KLHL26: variants seen among roughly 807,000 people sequenced by gnomAD.
KLHL26 encodes kelch-like protein 26.
A neutral mutation model predicts 7.1 loss-of-function variants in KLHL26; 4 were observed. That is an observed-to-expected ratio of 0.56 (90% CI 0.28 to 1.28). The LOEUF is 1.28. KLHL26 is among the 50% of genes most tolerant of loss of function. KLHL26 has a pLI of 0.11. For missense variants in KLHL26, 896 were observed against 924.6 expected, an observed-to-expected ratio of 0.97 and a Z score of 0.40; for synonymous variants, 465 against 414.1, an observed-to-expected ratio of 1.12 and a Z score of -1.49.
Position 18,650,824 on chromosome 19 carries a change from G to A in KLHL26, c.84-13437G>A, listed in dbSNP as rs1383702554. The stretch of plus-strand genomic sequence containing the variant: ...GAGCCGTCTGTCTCGTCACAGACAG[G>A]CGGGGCTGCGGCTGGGGATGGCCGC... On this transcript the variant is annotated intron_variant, in intron 1 of 2. Coordinates refer to ENST00000300976, the MANE Select transcript of KLHL26 (RefSeq NM_018316.3). This position sits in a 1 kb window ranked among gnomAD's most constrained non-coding sequence, Gnocchi z 4.2. Among the ~76,000 whole-genome samples, 1 of 152,190 alleles carries A rather than the reference G, an allele frequency of 6.6e-6. No individual in the cohort carries two copies. The highest frequency in any genetic ancestry group is 1.9e-4 in the East Asian group (1 of 5,194).
At chr19:18,661,730 G>A (rs2052393497) in intron 1 of KLHL26, among the ~76,000 whole-genome samples, 1 of 152,084 alleles carries the variant, frequency 6.6e-6, no homozygotes, top group African/African-American at 2.4e-5. Flanking sequence ...TAAAGGACAT[G>A]AGCCTTTAGA....
At chr19:18,658,009 G>A (rs2052351768) in intron 1 of KLHL26, among the ~76,000 whole-genome samples, 1 of 151,882 alleles carries the variant, frequency 6.6e-6, no homozygotes, top group Non-Finnish European at 1.5e-5. Flanking sequence ...TACTGGGGGA[G>A]CTGCCTTTGT....
chr19:18,642,722 A>G (rs1171031990), intron 1 of KLHL26, among the ~76,000 whole-genome samples: 4 of 151,598 alleles, frequency 2.6e-5, no homozygotes, highest in African/African-American at 9.7e-5. Context: ...TCTGTCGCCC[A>G]TGCTGGCATG....
chr19:18,659,536 G>C (rs1416151846), intron 1 of KLHL26, among the ~76,000 whole-genome samples: 2 of 152,280 alleles, frequency 1.3e-5, no homozygotes, highest in Admixed American at 1.3e-4. Flanking sequence ...CCGCCTATGA[G>C]GGGCAATGCC....
rs1251959735 is a variant in KLHL26, at chr19:18,667,736, C to A, written c.339C>A (p.Gly113=). The A allele has an allele frequency of 6.2e-7, 1 of 1,613,238 alleles. No individual in the cohort carries two copies. Among genetic ancestry groups the A allele is most frequent in the African/African-American group, 1.3e-5 (1 of 75,072 alleles). Residue 113 remains glycine, a synonymous_variant, in exon 3 of 3, where the codon GGC becomes GGA. Transcript: ENST00000300976. The stretch of plus-strand genomic sequence containing the variant: ...AGCTGAAGGGCGTGTCGGCCCGTGG[C>A]CTGCGGCACATCATCGACTTCGCCT... ...VIELKGVSAR[G]LRHIIDFAYS... is the part of the protein sequence containing the mutation.
intron 1 of KLHL26, among the ~76,000 whole-genome samples, chr19:18,640,206 A>G (rs991755574): frequency 2.2e-4 from 34 of 152,082 alleles, no homozygotes; most frequent in Admixed American, 1.3e-3. Context: ...ACTTAAGAGT[A>G]GAATGACTAG....
At chr19:18,645,903 G>A (rs1176140402) in intron 1 of KLHL26, among the ~76,000 whole-genome samples, 2 of 152,022 alleles carry the variant, frequency 1.3e-5, no homozygotes, top group Non-Finnish European at 2.9e-5. Flanking sequence ...TTGTGGCCGA[G>A]ACGCTGCGCC....
chr19:18,642,948 C>T (rs1166170461), intron 1 of KLHL26, among the ~76,000 whole-genome samples: 1 of 152,038 alleles, frequency 6.6e-6, no homozygotes, highest in African/African-American at 2.4e-5. Context: ...ATTCTCCTGC[C>T]TCAGCCTCCT....
intron 1 of KLHL26, among the ~76,000 whole-genome samples, chr19:18,641,459 C>T (rs1976710337): frequency 6.6e-6 from 1 of 151,328 alleles, no homozygotes; most frequent in African/African-American, 2.4e-5. Flanking sequence ...GCTGGGATTA[C>T]AGGTGCATGC....
intron 1 of KLHL26, among the ~76,000 whole-genome samples, chr19:18,642,255 C>T (rs947598485): frequency 3.3e-5 from 5 of 152,076 alleles, no homozygotes; most frequent in African/African-American, 1.2e-4. Flanking sequence ...CATCCTTCCA[C>T]TCTCCAAGGT....
chr19:18,653,134 G>A (rs1346970303), intron 1 of KLHL26, among the ~76,000 whole-genome samples: 3 of 152,098 alleles, frequency 2.0e-5, no homozygotes, highest in Non-Finnish European at 2.9e-5. Flanking sequence ...CCAAGGCTCT[G>A]CCTGAGCCTG....
At chr19:18,659,247 T>C (rs2052367280) in intron 1 of KLHL26, among the ~76,000 whole-genome samples, 1 of 152,176 alleles carries the variant, frequency 6.6e-6, no homozygotes, top group Admixed American at 6.5e-5. Flanking sequence ...ATGGTCTTGG[T>C]CCAGTTGCCA....
Position 18,664,454 on chromosome 19 carries a change from G to GC in KLHL26, c.266+15dup, listed in dbSNP as rs371610350. On this transcript the variant is annotated intron_variant, in intron 2 of 2. Coordinates refer to ENST00000300976, the MANE Select transcript of KLHL26 (RefSeq NM_018316.3). ...CAGCGACTACTTCAGGTAAGTGCTG[G>GC]CCCCAGGCAGCTGGAAGGGGCGGCT... 1,061 of 1,543,808 alleles carry GC rather than the reference G, an allele frequency of 6.9e-4. 6 individuals carry two copies. The African/African-American group carries it at 0.013, about 19-fold the overall frequency.
Position 18,668,133 on chromosome 19 carries a change from C to G in KLHL26, c.736C>G (p.His246Asp). The change falls in exon 3 of 3, where the codon CAC becomes GAC. Residue 246 changes from histidine (H) to aspartate (D), a missense_variant. Transcript: ENST00000300976. ...CCCGGCCCGGCGGCCGCGCGCCAGC[C>G]ACGTGCTCTGCCACATTCGCTTCCC... ...HDPARRPRAS[H>D]VLCHIRFPLM... The G allele has an allele frequency of 6.2e-7, 1 of 1,604,808 alleles. No individual in the cohort carries two copies. Among genetic ancestry groups the G allele is most frequent in the African/African-American group, 1.3e-5 (1 of 74,986 alleles).
Position 18,649,639 on chromosome 19 carries a change from G to A in KLHL26, c.83+12502G>A, listed in dbSNP as rs561602996. 2.8e-3 allele frequency among the ~76,000 whole-genome samples: 419 copies of A among 152,328 alleles called. 1 individual carries two copies. The highest frequency in any genetic ancestry group is 9.7e-3 in the African/African-American group (405 of 41,572). On this transcript the variant is annotated intron_variant, in intron 1 of 2. Coordinates refer to ENST00000300976, the MANE Select transcript of KLHL26 (RefSeq NM_018316.3). The surrounding 1 kb of genome is among the most constrained non-coding windows in gnomAD (Gnocchi z 4.0). ...CCAGCTGTCTGAAGTGGAAGTGGGG[G>A]CCAAGCCCGCTGGGTTCCCGCTGCC...
In KLHL26 at chr19:18,656,572, G is replaced by T. The variant is rs186800585; in HGVS notation, c.84-7689G>T. ...GACAGACAGGCAGGGAATGGCTCCA[G>T]ATCAGGAGGCTGGGAGGAAGGGGAA... On this transcript the variant is annotated intron_variant, in intron 1 of 2. Transcript: ENST00000300976. The surrounding 1 kb of genome is among the most constrained non-coding windows in gnomAD (Gnocchi z 4.4). Among the ~76,000 whole-genome samples the T allele has an allele frequency of 1.3e-5, 2 of 152,172 alleles. No homozygotes were observed. Among genetic ancestry groups the T allele is most frequent in the African/African-American group, 4.8e-5 (2 of 41,444 alleles).
chr19:18,668,391 C>A lies in KLHL26; in HGVS notation c.994C>A (p.Gln332Lys). 1 of 1,607,812 alleles carries A rather than the reference C, an allele frequency of 6.2e-7. No individual in the cohort carries two copies. Among genetic ancestry groups the A allele is most frequent in the East Asian group, 2.2e-5 (1 of 44,802 alleles). Residue 332 changes from glutamine to lysine, a missense_variant, in exon 3 of 3, where the codon CAG (glutamine) becomes AAG (lysine). Gln to Lys is a moderately conservative substitution (Grantham distance 53). Coordinates refer to ENST00000300976, the MANE Select transcript of KLHL26 (RefSeq NM_018316.3). Reference protein sequence around the residue: ...SDRSVSSKVYQLPEPGARHFR... With the variant: ...SDRSVSSKVYKLPEPGARHFR... ...CCGCTCGGTCAGCAGCAAGGTCTACCAGCTGCCTGAGCCGGGAGCCCGCCA... is the reference window on the plus strand; with the variant it reads ...CCGCTCGGTCAGCAGCAAGGTCTACAAGCTGCCTGAGCCGGGAGCCCGCCA...
rs1439232970 is a variant in KLHL26, at chr19:18,668,016, G to A, written c.619G>A (p.Glu207Lys). 6.2e-7 allele frequency: 1 copy of A among 1,608,978 alleles called. No individual in the cohort carries two copies. Among genetic ancestry groups the A allele is most frequent in the East Asian group, 2.2e-5 (1 of 44,858 alleles). Residue 207 changes from glutamate (E) to lysine (K), a missense_variant, in exon 3 of 3, where the codon GAG (glutamate) becomes AAG (lysine). Transcript: ENST00000300976. ...EEEDFLRLPL[E>K]RLVFFLQSNR... is the part of the protein sequence containing the mutation. ...GGAGGATTTCCTGCGCCTGCCACTG[G>A]AGCGCCTGGTCTTCTTCCTGCAGAG... is the stretch of plus-strand genomic sequence containing the variant.
chr19:18,657,859 C>T (rs1273037371), intron 1 of KLHL26, among the ~76,000 whole-genome samples: 1 of 152,156 alleles, frequency 6.6e-6, no homozygotes, highest in Non-Finnish European at 1.5e-5. Context: ...CTGAGCTGTC[C>T]CACGGGAAAG....
Sources: gnomAD v4.1 joint callset for allele counts (sites outside exome capture counted in the v4.1 genomes callset) on GRCh38, gnomAD v4.1.1 for gene constraint, Gnocchi (gnomAD v3.1) non-coding constraint, MANE v1.5 for transcripts, NCBI Gene and HGNC (gene_info 2026-07-23, HGNC 2026-07-21) for gene names.